Variants in KIAA0513 observed in about 807,000 individuals in gnomAD.
The protein encoded by KIAA0513 is uncharacterized protein KIAA0513.
A neutral mutation model predicts 56.5 loss-of-function variants in KIAA0513; 39 were observed. The observed-to-expected ratio is 0.69, with a 90% confidence interval of 0.53 to 0.90. The LOEUF is 0.90. KIAA0513 is among the 40% of genes least tolerant of loss of function. The pLI is 0.00. For missense variants in KIAA0513, 591 were observed against 535.2 expected, an observed-to-expected ratio of 1.10 and a Z score of -1.03; for synonymous variants, 268 against 215.6, an observed-to-expected ratio of 1.24 and a Z score of -2.13.
chr16:85,036,784 C>T (rs914669838), intron 1 of KIAA0513, among the ~76,000 whole-genome samples: 2 of 152,238 alleles, frequency 1.3e-5, no homozygotes, highest in African/African-American at 4.8e-5. Context: ...GGACAGCTCC[C>T]GCCTTTCCTT....
At position 85,038,888 on chromosome 16, in the gene KIAA0513, G is replaced by A. The variant is rs547007040; in HGVS notation, c.-173+11030G>A. Among the ~76,000 whole-genome samples, 7 of 152,228 alleles carry A rather than the reference G, an allele frequency of 4.6e-5. No homozygotes were observed. In the South Asian group the frequency reaches 1.2e-3, roughly 27 times the overall value. On this transcript the variant is annotated intron_variant, in intron 1 of 12. Coordinates refer to ENST00000683363, the MANE Select transcript of KIAA0513 (RefSeq NM_001388359.1). ...GTGGTCAGCAGGTCACAGCTTGAACGAGCCACATTCATGGGCTCAAGGGCC... is the reference window on the plus strand; with the variant it reads ...GTGGTCAGCAGGTCACAGCTTGAACAAGCCACATTCATGGGCTCAAGGGCC...
intron 8 of KIAA0513, among the ~76,000 whole-genome samples, chr16:85,080,965 C>CG (rs2073735108): frequency 6.6e-6 from 1 of 152,102 alleles, no homozygotes; most frequent in African/African-American, 2.4e-5. Flanking sequence ...GGAGTCCCAA[C>CG]GGGAAAGGCA....
At chr16:85,083,068 C>G (rs933848268) in intron 10 of KIAA0513, among the ~76,000 whole-genome samples, 5 of 152,218 alleles carry the variant, frequency 3.3e-5, no homozygotes, top group African/African-American at 7.2e-5. Flanking sequence ...AGAGCCTGTC[C>G]TGTTTGCAAC....
intron 1 of KIAA0513, among the ~76,000 whole-genome samples, chr16:85,032,895 G>A (rs2072985021): frequency 6.6e-6 from 1 of 152,150 alleles, no homozygotes; most frequent in Admixed American, 6.5e-5. Flanking sequence ...CTCCCAAAGT[G>A]CTGGGATTAC....
At chr16:85,052,368 C>G (rs1421495013) in intron 1 of KIAA0513, among the ~76,000 whole-genome samples, 1 of 151,958 alleles carries the variant, frequency 6.6e-6, no homozygotes, top group African/African-American at 2.4e-5. Flanking sequence ...AAAAGCTAGC[C>G]AGGCCTGGTG....
In KIAA0513 at chr16:85,076,950, C is replaced by T. The variant is rs1370301208; in HGVS notation, c.575-475C>T. Among the ~76,000 whole-genome samples the T allele has an allele frequency of 6.6e-6, 1 of 152,194 alleles. No individual in the cohort carries two copies. The highest frequency in any genetic ancestry group is 1.5e-5 in the Non-Finnish European group (1 of 68,026). On this transcript the variant is annotated intron_variant, in intron 5 of 12. Transcript: ENST00000683363. This position sits in a 1 kb window ranked among gnomAD's most constrained non-coding sequence, Gnocchi z 4.7. ...CTGAGGCCCGTGGGGGTGCCTCATCCTGTGGGGGTGCCAGGGCCTCATGTC... is the reference window on the plus strand; with the variant it reads ...CTGAGGCCCGTGGGGGTGCCTCATCTTGTGGGGGTGCCAGGGCCTCATGTC...
chr16:85,055,184 A>G (rs578158858), intron 1 of KIAA0513, among the ~76,000 whole-genome samples: 237 of 152,032 alleles, frequency 1.6e-3, no homozygotes, highest in African/African-American at 5.4e-3. Flanking sequence ...TTGGCCTCTC[A>G]AAGTGCTGGG....
At position 85,086,728 on chromosome 16, in the gene KIAA0513, A is replaced by G. The variant is rs200180830; in HGVS notation, c.1091+4A>G. 6.2e-7 allele frequency: 1 copy of G among 1,610,898 alleles called. No homozygotes were observed. The highest frequency in any genetic ancestry group is 1.3e-5 in the African/African-American group (1 of 74,518). ...ACATCACCTTCGGGCAGCTGGGGTA[A>G]GGGCCAGAGTGGGAAAGCGGGAGGG... On this transcript the variant is annotated splice_donor_region_variant and intron_variant, in intron 11 of 12. Transcript: ENST00000683363.
intron 1 of KIAA0513, among the ~76,000 whole-genome samples, chr16:85,045,140 CAAAA>C (rs71151264): frequency 1.9e-4 from 28 of 150,470 alleles, no homozygotes; most frequent in African/African-American, 6.6e-4. Flanking sequence ...TAATAAATGA[CAAAA>C]AAAAAGAAAG....
At chr16:85,063,436 T>C (rs2073433511) in intron 1 of KIAA0513, 4 of 152,244 alleles carry the variant, frequency 2.6e-5, no homozygotes. Context: ...CGGCTGATTT[T>C]TGTGTTTTTA....
intron 3 of KIAA0513, 119 bp downstream of exon 3, chr16:85,072,001 C>T (rs1017479399): frequency 2.9e-6 from 2 of 701,366 alleles, no homozygotes; most frequent in Non-Finnish European, 2.5e-6. Context: ...AGGGAAAGGA[C>T]CCAACAGTAA....
At chr16:85,038,322 C>G (rs1567520664) in intron 1 of KIAA0513, among the ~76,000 whole-genome samples, 1 of 152,242 alleles carries the variant, frequency 6.6e-6, no homozygotes, top group Non-Finnish European at 1.5e-5. Context: ...CCTAACCCAG[C>G]ACAATCCAGC....
chr16:85,075,083 A>T lies in KIAA0513; in HGVS notation c.504-761A>T, dbSNP rs1392206803. 8.0e-5 allele frequency among the ~76,000 whole-genome samples: 8 copies of T among 100,218 alleles called. No homozygotes were observed. The East Asian group carries it at 1.8e-3, about 22-fold the overall frequency. The allele number at this position is 100,218 out of a possible 152,430, so 65.7% of individuals were successfully genotyped here. A position where few individuals can be genotyped will look rare whatever the true frequency, so the allele number is the denominator to read the frequency against. ...AAAACCCTTTTACTATTTAGACAAT[A>T]TGGGATTTTTTAGTTTTATAATCTT... On this transcript the variant is annotated intron_variant, in intron 4 of 12. Coordinates refer to ENST00000683363, the MANE Select transcript of KIAA0513 (RefSeq NM_001388359.1).
At chr16:85,082,805 A>G (rs1022084769) in intron 10 of KIAA0513, among the ~76,000 whole-genome samples, 1 of 152,184 alleles carries the variant, frequency 6.6e-6, no homozygotes, top group Non-Finnish European at 1.5e-5. Context: ...GGCAGGTGGG[A>G]GCCTGCCAAG....
At chr16:85,064,510 C>T (rs1039584762) in intron 1 of KIAA0513, among the ~76,000 whole-genome samples, 1 of 152,158 alleles carries the variant, frequency 6.6e-6, no homozygotes, top group Non-Finnish European at 1.5e-5. Context: ...TATTATCTCT[C>T]CCTATTCCAG....
intron 1 of KIAA0513, among the ~76,000 whole-genome samples, chr16:85,029,087 T>C (rs561274197): frequency 6.6e-6 from 1 of 152,368 alleles, no homozygotes; most frequent in East Asian, 1.9e-4. Flanking sequence ...TTCTCCATTG[T>C]TCAGTGTCTC....
At chr16:85,043,402 T>A (rs2073129004) in intron 1 of KIAA0513, among the ~76,000 whole-genome samples, 1 of 55,190 alleles carries the variant, frequency 1.8e-5, no homozygotes, top group African/African-American at 1.1e-4. Flanking sequence ...GCTTCTTGGA[T>A]TTTTTTTTTT....
In KIAA0513 at chr16:85,087,107, A is replaced by G. The variant is rs746464892; in HGVS notation, c.1127A>G (p.Asn376Ser). 6.2e-7 allele frequency: 1 copy of G among 1,614,176 alleles called. No homozygotes were observed. The highest frequency in any genetic ancestry group is 1.1e-5 in the South Asian group (1 of 91,084). The change falls in exon 12 of 13, where the codon AAC becomes AGC. Residue 376 changes from asparagine to serine, a missense_variant. Physicochemically the swap from Asn to Ser is conservative, Grantham distance 46. Coordinates refer to ENST00000683363, the MANE Select transcript of KIAA0513 (RefSeq NM_001388359.1). ...FTHNMLAFGL[N>S]KKLCNDFLKK... The stretch of plus-strand genomic sequence containing the variant: ...CACAACATGCTGGCCTTTGGACTGA[A>G]CAAGAAGCTGTGCAATGACTTCCTG...
intron 1 of KIAA0513, among the ~76,000 whole-genome samples, chr16:85,035,034 C>G (rs1035838122): frequency 2.6e-5 from 4 of 152,230 alleles, no homozygotes; most frequent in Admixed American, 6.5e-5. Flanking sequence ...ACCTCTGCCC[C>G]CCTTCCCCAG....
Sources: allele counts gnomAD v4.1 joint callset (sites outside exome capture counted in the v4.1 genomes callset), GRCh38; gene constraint gnomAD v4.1.1; non-coding constraint Gnocchi (gnomAD v3.1); transcripts MANE v1.5; gene names NCBI Gene and HGNC (gene_info 2026-07-23, HGNC 2026-07-21).